WIPF2: variants seen among roughly 807,000 people sequenced by gnomAD.
The protein encoded by WIPF2 is WAS/WASL-interacting protein family member 2.
In WIPF2, 23 loss-of-function variants were observed where a neutral mutation model predicts 38.8. The ratio of observed to expected loss-of-function variants is 0.59; its 90% confidence interval spans 0.43 to 0.84. WIPF2 has a LOEUF of 0.84. Ranked by LOEUF, WIPF2 falls within the 40% of genes least tolerant of loss-of-function variation. WIPF2 has a pLI of 0.00. For missense variants in WIPF2, 574 were observed against 580.5 expected (o/e 0.99, Z 0.11); for synonymous variants, 210 against 223.2 (o/e 0.94, Z 0.53).
chr17:40,244,954 C>T (rs984828334), intron 1 of WIPF2, among the ~76,000 whole-genome samples: 1 of 151,962 alleles, frequency 6.6e-6, no homozygotes, highest in Admixed American at 6.6e-5. Context: ...TTGTTGTTGT[C>T]GTGGTTAAAT....
At chr17:40,220,049 G>T (rs1349723517) in intron 1 of WIPF2, 1 of 152,226 alleles carries the variant, frequency 6.6e-6, no homozygotes, top group Non-Finnish European at 1.5e-5. Context: ...TCAGAATTTA[G>T]TTAAAGGTTG....
chr17:40,277,723 C>CTTTTTTTTTTTTTTTTTTTGTTTTTTTTT (rs2032449029), intron 7 of WIPF2, among the ~76,000 whole-genome samples: 1 of 97,638 alleles, frequency 1.0e-5, no homozygotes, highest in East Asian at 3.1e-4. Flanking sequence ...CTTCGTTGTC[C>CTTTTTTTTTTTTTTTTTTTGTTTTTTTTT]TTTTTTTTTT....
intron 3 of WIPF2, 90 bp from the exon 4 acceptor site, chr17:40,262,435 G>T: frequency 9.8e-7 from 1 of 1,021,476 alleles, no homozygotes; most frequent in Non-Finnish European, 1.5e-6. Flanking sequence ...GCAAGCGATA[G>T]CCCAGATAGA....
chr17:40,249,240 G>A (rs1392258308), intron 1 of WIPF2, among the ~76,000 whole-genome samples: 1 of 152,116 alleles, frequency 6.6e-6, no homozygotes, highest in Non-Finnish European at 1.5e-5. Context: ...GATTGTAGTG[G>A]TAACTAGGAT....
chr17:40,270,277 A>G (rs2032208842), intron 5 of WIPF2, among the ~76,000 whole-genome samples: 1 of 148,950 alleles, frequency 6.7e-6, no homozygotes, highest in Non-Finnish European at 1.5e-5. Flanking sequence ...GAGGCAGGAG[A>G]GTGGCATGAA....
chr17:40,243,056 G>A (rs1028717212), intron 1 of WIPF2, among the ~76,000 whole-genome samples: 1 of 152,164 alleles, frequency 6.6e-6, no homozygotes, highest in Non-Finnish European at 1.5e-5. Context: ...ATTGAACACA[G>A]GAGTAGACTT....
chr17:40,233,021 C>A (rs2030815783), intron 1 of WIPF2, among the ~76,000 whole-genome samples: 1 of 152,122 alleles, frequency 6.6e-6, no homozygotes, highest in Non-Finnish European at 1.5e-5. Flanking sequence ...CTCATATTTG[C>A]CCTCTGTTAG....
chr17:40,247,877 T>C (rs1422509524), intron 1 of WIPF2, among the ~76,000 whole-genome samples: 1 of 152,214 alleles, frequency 6.6e-6, no homozygotes, highest in East Asian at 1.9e-4. Context: ...TTAGTAATTG[T>C]TAAATACTTA....
intron 1 of WIPF2, among the ~76,000 whole-genome samples, chr17:40,236,179 G>C (rs950593445): frequency 2.4e-4 from 37 of 151,804 alleles, no homozygotes; most frequent in African/African-American, 9.0e-4. Flanking sequence ...TGTTGGCCAT[G>C]CTGGTCTCGA....
intron 5 of WIPF2, among the ~76,000 whole-genome samples, chr17:40,266,223 G>A (rs556363084): frequency 5.3e-4 from 75 of 140,972 alleles, no homozygotes; most frequent in African/African-American, 1.8e-3. Flanking sequence ...GGGCGACAGA[G>A]TGACAGTCCA....
At chr17:40,254,378 G>A (rs2031654878) in intron 1 of WIPF2, among the ~76,000 whole-genome samples, 1 of 152,058 alleles carries the variant, frequency 6.6e-6, no homozygotes, top group Non-Finnish European at 1.5e-5. Context: ...TGGTGAGGTT[G>A]GTTACCATCT....
intron 1 of WIPF2, among the ~76,000 whole-genome samples, chr17:40,243,339 G>A (rs1411412115): frequency 6.6e-6 from 1 of 152,088 alleles, no homozygotes; most frequent in Non-Finnish European, 1.5e-5. Flanking sequence ...GGGGGAAGAG[G>A]AAAGAGTCAC....
chr17:40,268,539 C>T (rs1440509792), intron 5 of WIPF2, among the ~76,000 whole-genome samples: 1 of 152,128 alleles, frequency 6.6e-6, no homozygotes, highest in Non-Finnish European at 1.5e-5. Context: ...CTTTTCCATT[C>T]TTTCTCTGTG....
chr17:40,226,934 G>C (rs1000188167), intron 1 of WIPF2, among the ~76,000 whole-genome samples: 1 of 151,812 alleles, frequency 6.6e-6, no homozygotes, highest in African/African-American at 2.4e-5. Flanking sequence ...GTAGAGGTGG[G>C]GTTTCACCTT....
At chr17:40,277,032 G>C (rs1360603311) in intron 6 of WIPF2, 51 bp from the exon 7 acceptor site, 2 of 1,510,016 alleles carry the variant, frequency 1.3e-6, no homozygotes, top group African/African-American at 2.8e-5. Context: ...TCAGAGGCCT[G>C]TGGGAGCACA....
chr17:40,243,586 T>C (rs996383130), intron 1 of WIPF2, among the ~76,000 whole-genome samples: 9 of 151,968 alleles, frequency 5.9e-5, no homozygotes, highest in Admixed American at 2.0e-4. Flanking sequence ...CCATCTCGGC[T>C]CACTGCAACC....
Position 40,268,965 on chromosome 17 carries a change from G to A in WIPF2, c.970+3819G>A, listed in dbSNP as rs547465890. 1.1e-4 allele frequency among the ~76,000 whole-genome samples: 16 copies of A among 152,038 alleles called. 1 individual carries two copies. The South Asian group carries it at 3.3e-3, about 32-fold the overall frequency. ...TTTGGGAGGCTGAGGCAGGAGGATC[G>A]CTTGAGACGGAGTTCAAGACCAGCC... On this transcript the variant is annotated intron_variant, in intron 5 of 7. Coordinates refer to ENST00000323571, the MANE Select transcript of WIPF2 (RefSeq NM_133264.5).
At chr17:40,276,828 AAAAT>A (rs1385195315) in intron 6 of WIPF2, among the ~76,000 whole-genome samples, 35 of 152,118 alleles carry the variant, frequency 2.3e-4, no homozygotes, top group African/African-American at 4.3e-4. Flanking sequence ...AGACTGTCAA[AAAAT>A]AAATAAATAA....
At chr17:40,246,215 T>C (rs2031357425) in intron 1 of WIPF2, among the ~76,000 whole-genome samples, 1 of 149,330 alleles carries the variant, frequency 6.7e-6, no homozygotes, top group Non-Finnish European at 1.5e-5. Flanking sequence ...GCCTCCAGAG[T>C]AGCTGGGATT....
Sources: gnomAD v4.1 joint callset for allele counts (sites outside exome capture counted in the v4.1 genomes callset) on GRCh38, gnomAD v4.1.1 for gene constraint, MANE v1.5 for transcripts, NCBI Gene and HGNC (gene_info 2026-07-23, HGNC 2026-07-21) for gene names.